FLACC1: variants seen among roughly 807,000 people sequenced by gnomAD.
FLACC1 encodes flagellum-associated coiled-coil domain-containing protein 1.
FLACC1 carries 66 observed loss-of-function variants against 62.8 expected under a neutral mutation model. The observed-to-expected ratio is 1.05, with a 90% CI of 0.86 to 1.29. The LOEUF (loss-of-function observed/expected upper bound fraction) is 1.29, where lower values mean the gene tolerates loss of function less well. Ranked by LOEUF, FLACC1 falls within the 50% of genes most tolerant of loss-of-function variation. The pLI, the probability that FLACC1 is intolerant of heterozygous loss-of-function variation, is 0.00. For missense variants in FLACC1, 452 were observed against 489.1 expected (o/e 0.92, Z 0.71); for synonymous variants, 156 against 161.0 (o/e 0.97, Z 0.24).
At chr2:201,359,255 G>T (rs1247294747), upstream of FLACC1, among the ~76,000 whole-genome samples, 1 of 152,220 alleles carries the variant, frequency 6.6e-6, no homozygotes, top group Non-Finnish European at 1.5e-5. Flanking sequence ...GGATAAACAG[G>T]TTCTAGGGAG....
intron 9 of FLACC1, among the ~76,000 whole-genome samples, chr2:201,315,201 C>A (rs1164175014): frequency 6.6e-6 from 1 of 152,160 alleles, no homozygotes; most frequent in Non-Finnish European, 1.5e-5. Context: ...TGGTACCTCA[C>A]ATCTCAATAC....
In FLACC1 at chr2:201,348,227, C is replaced by T. The variant is rs116547819; in HGVS notation, c.234+27G>A. The stretch of plus-strand genomic sequence containing the variant: ...AGTAGGCACTCAATAAATTTTAGTC[C>T]CACCGCCCTCTCCTGCCTTTACTCA... On this transcript the variant is annotated intron_variant, in intron 4 of 14. Transcript: ENST00000392257. The T allele has an allele frequency of 0.051, 82,689 of 1,608,748 alleles. 2,433 individuals are homozygous for T. Among genetic ancestry groups the T allele is most frequent in the Middle Eastern group, 0.088 (531 of 6,048 alleles).
chr2:201,307,935 T>C (rs1950139483), intron 10 of FLACC1, among the ~76,000 whole-genome samples: 2 of 152,266 alleles, frequency 1.3e-5, no homozygotes, highest in African/African-American at 4.8e-5. Flanking sequence ...TATGCTATCA[T>C]GGATATCCTT....
intron 1 of FLACC1, among the ~76,000 whole-genome samples, chr2:201,353,690 C>T (rs566010495): frequency 2.0e-4 from 31 of 152,138 alleles, no homozygotes; most frequent in Non-Finnish European, 4.0e-4. Context: ...TGGGTTCAAG[C>T]GATTCTCCCG....
intron 3 of FLACC1, among the ~76,000 whole-genome samples, chr2:201,349,864 T>G (rs953647569): frequency 1.3e-5 from 2 of 152,186 alleles, no homozygotes; most frequent in African/African-American, 4.8e-5. Flanking sequence ...GGGGCACCCC[T>G]GTGGAGAGCA....
Position 201,288,537 on chromosome 2 carries a change from A to G in FLACC1, c.*118T>C, listed in dbSNP as rs574006204. The G allele has an allele frequency of 2.3e-6, 3 of 1,285,674 alleles. No homozygotes were observed. Among genetic ancestry groups the G allele is most frequent in the Non-Finnish European group, 3.2e-6 (3 of 940,540 alleles). The allele number at this position is 1,285,674 out of a possible 1,614,324, so 79.6% of individuals were successfully genotyped here. On this transcript the variant is annotated 3_prime_UTR_variant, in exon 15 of 15. Transcript: ENST00000392257. The stretch of plus-strand genomic sequence containing the variant: ...CATTTTCAGACATTCAGAGAGTCAG[A>G]GCAACCCAAGAACTAAACTCATTAT...
chr2:201,307,725 C>T lies in FLACC1; in HGVS notation c.776-103G>A, dbSNP rs928523329. On this transcript the variant is annotated intron_variant, in intron 10 of 14. Coordinates refer to ENST00000392257, the MANE Select transcript of FLACC1 (RefSeq NM_001127391.3). ...AGATAAAAGCAATTCCAGACTGTGTCAGACTCAAGGTCATTGCAGCCTGGT... is the reference window on the plus strand; with the variant it reads ...AGATAAAAGCAATTCCAGACTGTGTTAGACTCAAGGTCATTGCAGCCTGGT... The T allele has an allele frequency of 1.0e-5, 9 of 883,626 alleles. No homozygotes were observed. The Admixed American group carries it at 1.7e-4, about 17-fold the overall frequency. The allele number at this position is 883,626 out of a possible 1,614,324, so 54.7% of individuals were successfully genotyped here. A position where few individuals can be genotyped will look rare whatever the true frequency, so the allele number is the denominator to read the frequency against.
chr2:201,301,555 C>T (rs1949983892), intron 11 of FLACC1, among the ~76,000 whole-genome samples: 3 of 152,146 alleles, frequency 2.0e-5, no homozygotes. Context: ...GGCAGGCCAA[C>T]ATTCAAATTC....
intron 12 of FLACC1, among the ~76,000 whole-genome samples, chr2:201,294,070 CA>C (rs1182999155): frequency 6.6e-6 from 1 of 152,186 alleles, no homozygotes; most frequent in African/African-American, 2.4e-5. Context: ...CAGATGGATT[CA>C]CAGCCGAATT....
In FLACC1 at chr2:201,348,263, T is replaced by C. The variant is rs1263117007; in HGVS notation, c.225A>G (p.Lys75=). ...TCCTGCCTTTACTCACATAAAATGA[T>C]TTATTAGTCTCTTCTTGCCTTGCTG... The part of the protein sequence containing the change: ...IHSARQEETN[K]SFYEVINVSP... The change falls in exon 4 of 15, where the codon AAA becomes AAG. Residue 75 remains lysine (K), a synonymous_variant. Coordinates refer to ENST00000392257, the MANE Select transcript of FLACC1 (RefSeq NM_001127391.3). 1.9e-6 allele frequency: 3 copies of C among 1,613,050 alleles called. No homozygotes were observed. The highest frequency in any genetic ancestry group is 1.1e-5 in the South Asian group (1 of 90,924).
rs752104004 is a variant in FLACC1 at position 201,344,294 on chromosome 2, C to T, written c.369-31G>A. 4 of 1,548,184 alleles carry T rather than the reference C, an allele frequency of 2.6e-6. No homozygotes were observed. In the African/African-American group the frequency reaches 4.1e-5, roughly 16 times the overall value. Reference sequence around the variant, plus strand: ...GGAGAAGTAATTCTTCTATCATCCACAAAGCTTACCATTCCATGCCATTCA... The same window carrying T: ...GGAGAAGTAATTCTTCTATCATCCATAAAGCTTACCATTCCATGCCATTCA... On this transcript the variant is annotated intron_variant, in intron 5 of 14. Coordinates refer to ENST00000392257, the MANE Select transcript of FLACC1 (RefSeq NM_001127391.3).
intron 12 of FLACC1, among the ~76,000 whole-genome samples, chr2:201,294,757 G>A (rs1047992470): frequency 1.7e-4 from 26 of 152,154 alleles, no homozygotes; most frequent in African/African-American, 4.3e-4. Flanking sequence ...TGACATGATT[G>A]TATATCTAGA....
At chr2:201,359,157 G>A (rs559989359), upstream of FLACC1, among the ~76,000 whole-genome samples, 16 of 152,310 alleles carry the variant, frequency 1.1e-4, no homozygotes, top group East Asian at 5.8e-4. Flanking sequence ...TGGGATGAGC[G>A]AAAAGGAGAA....
chr2:201,340,163 G>T (rs1950778840), intron 7 of FLACC1, among the ~76,000 whole-genome samples: 1 of 151,932 alleles, frequency 6.6e-6, no homozygotes, highest in Non-Finnish European at 1.5e-5. Context: ...GCGTATAGTT[G>T]GTTCTTGTTT....
In FLACC1 at chr2:201,299,218, G is replaced by C. The variant is rs765343679; in HGVS notation, c.942+20C>G. On this transcript the variant is annotated intron_variant, in intron 12 of 14. Transcript: ENST00000392257. The stretch of plus-strand genomic sequence containing the variant: ...TATTTGTAATATACCAAGTCCACAG[G>C]AAAGGATGAAAAAGCTTACCTCTTT... 21 of 1,608,614 alleles carry C rather than the reference G, an allele frequency of 1.3e-5. No individual in the cohort carries two copies. Among genetic ancestry groups the C allele is most frequent in the Non-Finnish European group, 1.7e-5 (20 of 1,175,688 alleles).
Position 201,346,396 on chromosome 2 carries a change from G to T in FLACC1, c.368+146C>A. On this transcript the variant is annotated intron_variant, in intron 5 of 14. Transcript: ENST00000392257. The surrounding 1 kb of genome is among the most constrained non-coding windows in gnomAD (Gnocchi z 4.0). Reference sequence around the variant, plus strand: ...AGAGATGCATCATCAGGAAGCAGGGGCGAGGAGGGAGGTGCCCTTGCGGCC... The same window carrying T: ...AGAGATGCATCATCAGGAAGCAGGGTCGAGGAGGGAGGTGCCCTTGCGGCC... 9.0e-7 allele frequency: 1 copy of T among 1,106,362 alleles called. No individual in the cohort carries two copies. The highest frequency in any genetic ancestry group is 1.6e-5 in the African/African-American group (1 of 64,078). 68.5% of individuals were successfully genotyped at this position (1,106,362 alleles called of 1,614,324 possible).
intron 6 of FLACC1, 125 bp from the exon 7 acceptor site, chr2:201,342,556 C>A: frequency 1.1e-5 from 9 of 828,710 alleles, no homozygotes; most frequent in Non-Finnish European, 1.8e-5. Context: ...GCACAGCCCC[C>A]TTCCCACCCC....
chr2:201,289,397 T>C lies in FLACC1; in HGVS notation c.1142+60A>G, dbSNP rs544836125. ...TCTATCTTCCTAACCCATTCCTCAC[T>C]CAAACTCCTTCCCACTCCTAAAGAG... On this transcript the variant is annotated intron_variant, in intron 14 of 14. Transcript: ENST00000392257. 1.6e-5 allele frequency: 24 copies of C among 1,523,396 alleles called. No individual in the cohort carries two copies. The East Asian group carries it at 5.4e-4, about 34-fold the overall frequency. 94.4% of individuals were successfully genotyped at this position (1,523,396 alleles called of 1,614,324 possible).
chr2:201,328,438 T>TA (rs1361415537), intron 9 of FLACC1, among the ~76,000 whole-genome samples: 2 of 152,070 alleles, frequency 1.3e-5, no homozygotes, highest in Admixed American at 6.5e-5. Context: ...TTTATATATA[T>TA]TTTTTGAGAC....
Sources: allele counts gnomAD v4.1 joint callset (sites outside exome capture counted in the v4.1 genomes callset), GRCh38; gene constraint gnomAD v4.1.1; non-coding constraint Gnocchi (gnomAD v3.1); transcripts MANE v1.5; gene names NCBI Gene and HGNC (gene_info 2026-07-23, HGNC 2026-07-21).